RANBP2: variants seen among roughly 807,000 people sequenced by gnomAD.
RANBP2 encodes E3 SUMO-protein ligase RanBP2.
In RANBP2, 57 loss-of-function variants were observed where a neutral mutation model predicts 303.6. That is an observed-to-expected ratio of 0.19 (90% CI 0.15 to 0.23). The LOEUF (loss-of-function observed/expected upper bound fraction) is 0.23, where lower values mean the gene tolerates loss of function less well. RANBP2 is among the 10% of genes least tolerant of loss of function. The probability of loss-of-function intolerance (pLI) is 1.00; values close to 1 mark genes in which losing one functional copy is unlikely to be tolerated. For synonymous variants in RANBP2, 1,167 were observed against 1,301.5 expected, an observed-to-expected ratio of 0.90 and a Z score of 2.23; for missense variants, 3,138 against 3,780.8, an observed-to-expected ratio of 0.83 and a Z score of 4.46.
chr2:109,593,409 C>CTCTTTTT, the RANBP2 span, among the ~76,000 whole-genome samples: 1 of 133,804 alleles, frequency 7.5e-6, no homozygotes, highest in Non-Finnish European at 1.6e-5. Flanking sequence ...AGAGAAAGAA[C>CTCTTTTT]TTTTTTTTTT....
At chr2:109,706,082 C>G in the RANBP2 span, among the ~76,000 whole-genome samples, 1 of 152,170 alleles carries the variant, frequency 6.6e-6, no homozygotes, top group South Asian at 2.1e-4. Context: ...AATCCAGCCT[C>G]TTCTCATGAC....
At position 108,764,792 on chromosome 2, in the gene RANBP2, A is replaced by G. The variant is rs1478874755; in HGVS notation, c.4253A>G (p.His1418Arg). Residue 1418 changes from histidine to arginine, a missense_variant, in exon 20 of 29, where the codon CAC becomes CGC. By Grantham distance (29) the His-to-Arg change is conservative. This residue lies in a region of RANBP2 where 388 missense variants were observed against 328.5 expected (regional missense o/e 1.18). Transcript: ENST00000283195. Reference protein sequence around the residue: ...FALVTPKKEGHWDCSICLVRN... With the variant: ...FALVTPKKEGRWDCSICLVRN... ...TTGGTGACTCCAAAGAAAGAAGGTCACTGGGATTGTAGTATTTGTTTAGTA... is the reference window on the plus strand; with the variant it reads ...TTGGTGACTCCAAAGAAAGAAGGTCGCTGGGATTGTAGTATTTGTTTAGTA... The G allele has an allele frequency of 3.7e-6, 6 of 1,614,102 alleles. No individual in the cohort carries two copies. In the South Asian group the frequency reaches 5.5e-5, roughly 15 times the overall value.
chr2:109,419,776 A>G, the RANBP2 span: 5 of 760,020 alleles, frequency 6.6e-6, no homozygotes, highest in South Asian at 3.7e-5. Context: ...ATGTGCGTCT[A>G]ATAACACCGC....
the RANBP2 span, among the ~76,000 whole-genome samples, chr2:108,890,810 G>A: frequency 9.9e-5 from 15 of 151,858 alleles, no homozygotes; most frequent in Non-Finnish European, 1.9e-4. Flanking sequence ...TCGAATATTT[G>A]ATCACTTTGT....
the RANBP2 span, among the ~76,000 whole-genome samples, chr2:109,451,480 G>A: frequency 1.3e-5 from 2 of 152,194 alleles, no homozygotes; most frequent in African/African-American, 4.8e-5. Context: ...TCTAGTTTGT[G>A]AAGCAAATGG....
At chr2:108,893,159 G>C in the RANBP2 span, among the ~76,000 whole-genome samples, 1 of 151,778 alleles carries the variant, frequency 6.6e-6, no homozygotes, top group Non-Finnish European at 1.5e-5. Flanking sequence ...ATGCAAACTG[G>C]GATTCTCATA....
At chr2:109,688,943 C>T in the RANBP2 span, among the ~76,000 whole-genome samples, 1 of 150,000 alleles carries the variant, frequency 6.7e-6, no homozygotes, top group Non-Finnish European at 1.5e-5. Context: ...GAGTTTCACT[C>T]GTCACCCAGG....
the RANBP2 span, chr2:109,419,501 C>G: frequency 2.6e-6 from 4 of 1,546,446 alleles, no homozygotes; most frequent in Non-Finnish European, 3.5e-6. Context: ...GATGGAGTCT[C>G]TGTCTCCTCA....
At chr2:109,209,965 C>T in the RANBP2 span, among the ~76,000 whole-genome samples, 1 of 152,334 alleles carries the variant, frequency 6.6e-6, no homozygotes, top group Middle Eastern at 3.4e-3. Context: ...CCATTAAACA[C>T]GAACTCCTCC....
chr2:108,945,664 C>A, the RANBP2 span, among the ~76,000 whole-genome samples: 2 of 152,128 alleles, frequency 1.3e-5, no homozygotes, highest in African/African-American at 4.8e-5. Context: ...TTTCTAAATG[C>A]CATGGATCCC....
At chr2:109,094,512 TG>T in the RANBP2 span, among the ~76,000 whole-genome samples, 1 of 152,118 alleles carries the variant, frequency 6.6e-6, no homozygotes, top group African/African-American at 2.4e-5. Flanking sequence ...AGTATTTATA[TG>T]TGTTGTGTGT....
the RANBP2 span, among the ~76,000 whole-genome samples, chr2:109,461,946 C>G: frequency 6.6e-6 from 1 of 152,158 alleles, no homozygotes; most frequent in Non-Finnish European, 1.5e-5. Flanking sequence ...CTTTTTAACT[C>G]TGGCTATAGG....
At chr2:109,153,464 G>T in the RANBP2 span, among the ~76,000 whole-genome samples, 1 of 152,122 alleles carries the variant, frequency 6.6e-6, no homozygotes, top group African/African-American at 2.4e-5. Context: ...AGGTATGAAA[G>T]GACATGAAAT....
the RANBP2 span, among the ~76,000 whole-genome samples, chr2:109,090,790 A>T: frequency 6.6e-6 from 1 of 152,070 alleles, no homozygotes; most frequent in African/African-American, 2.4e-5. Context: ...TCAAATAATA[A>T]TTTTTTTAGA....
At position 108,775,725 on chromosome 2, in the gene RANBP2, T is replaced by G; in HGVS notation, c.8293-7T>G. The G allele has an allele frequency of 6.2e-7, 1 of 1,613,480 alleles. No homozygotes were observed. On this transcript the variant is annotated splice_polypyrimidine_tract_variant and splice_region_variant and intron_variant, in intron 23 of 28. Transcript: ENST00000283195. ...TGGCATAGTATTTTGTGACTTCCTC[T>G]TTGCAGAAATCTCAGACAGAAGAAA...
chr2:108,789,137 C>G (rs1326322409), downstream of RANBP2, among the ~76,000 whole-genome samples: 1 of 152,204 alleles, frequency 6.6e-6, no homozygotes, highest in African/African-American at 2.4e-5. Context: ...TTAATTTTTA[C>G]TGAGAATCTC....
chr2:109,308,090 T>C, the RANBP2 span, among the ~76,000 whole-genome samples: 1 of 146,340 alleles, frequency 6.8e-6, no homozygotes, highest in Non-Finnish European at 1.5e-5. Flanking sequence ...ACCTGTTGTT[T>C]CCTGACTTTT....
the RANBP2 span, among the ~76,000 whole-genome samples, chr2:109,732,378 G>A: frequency 6.6e-6 from 1 of 152,140 alleles, no homozygotes; most frequent in Non-Finnish European, 1.5e-5. Context: ...CCCTGGGAAT[G>A]CGCACAAGCC....
the RANBP2 span, chr2:109,419,571 G>T: frequency 6.3e-7 from 1 of 1,598,852 alleles, no homozygotes; most frequent in East Asian, 2.3e-5. Context: ...CTACCCCCAC[G>T]GCTGTCCCAC....
Sources: gnomAD v4.1 joint callset for allele counts (sites outside exome capture counted in the v4.1 genomes callset) on GRCh38, gnomAD v4.1.1 for gene constraint, gnomAD v4.1.1 regional missense constraint, MANE v1.5 for transcripts, NCBI Gene and HGNC (gene_info 2026-07-23, HGNC 2026-07-21) for gene names.